GNAQ: variants seen among roughly 807,000 people sequenced by gnomAD.
GNAQ encodes G protein subunit alpha q, also known as guanine nucleotide-binding protein G(q) subunit alpha.
GNAQ carries 8 observed loss-of-function variants against 43.9 expected under a neutral mutation model. That is an observed-to-expected ratio of 0.18 (90% confidence interval 0.11 to 0.33). The LOEUF (loss-of-function observed/expected upper bound fraction) is 0.33, where lower values mean the gene tolerates loss of function less well. Ranked by LOEUF, GNAQ falls within the 10% of genes least tolerant of loss-of-function variation. The pLI is 1.00. For missense variants in GNAQ, 158 were observed against 450.8 expected, an observed-to-expected ratio of 0.35 and a Z score of 5.88; for synonymous variants, 155 against 170.7, an observed-to-expected ratio of 0.91 and a Z score of 0.71.
At chr9:77,763,161 GA>G (rs796891847) in intron 5 of GNAQ, among the ~76,000 whole-genome samples, 3 of 143,866 alleles carry the variant, frequency 2.1e-5, no homozygotes, top group African/African-American at 8.1e-5. Flanking sequence ...AAAAACAAAG[GA>G]AAAGGTAAGT....
intron 5 of GNAQ, among the ~76,000 whole-genome samples, chr9:77,782,441 T>C (rs772550052): frequency 2.0e-5 from 3 of 152,106 alleles, no homozygotes; most frequent in African/African-American, 2.4e-5. Flanking sequence ...AAAACCACAA[T>C]GAAGTACTAC....
At chr9:77,895,837 A>G (rs1290683230) in intron 2 of GNAQ, among the ~76,000 whole-genome samples, 1 of 152,176 alleles carries the variant, frequency 6.6e-6, no homozygotes, top group African/African-American at 2.4e-5. Flanking sequence ...CCATTTTAAA[A>G]AACAGGAGTT....
intron 2 of GNAQ, among the ~76,000 whole-genome samples, chr9:77,897,640 C>T (rs116168387): frequency 6.6e-6 from 1 of 152,254 alleles, no homozygotes; most frequent in Admixed American, 6.5e-5. Flanking sequence ...GGGGGTGTCC[C>T]CTGAGATTCT....
At chr9:77,774,823 A>T (rs1276782714) in intron 5 of GNAQ, among the ~76,000 whole-genome samples, 2 of 152,178 alleles carry the variant, frequency 1.3e-5, no homozygotes, top group African/African-American at 4.8e-5. Context: ...TAAGATAATC[A>T]TTATTTCTTT....
At chr9:77,972,288 G>A (rs140222597) in intron 1 of GNAQ, among the ~76,000 whole-genome samples, 7 of 152,156 alleles carry the variant, frequency 4.6e-5, no homozygotes, top group African/African-American at 1.4e-4. Flanking sequence ...AATATTAATC[G>A]TGCACGCACC....
intron 2 of GNAQ, among the ~76,000 whole-genome samples, chr9:77,849,478 T>C (rs139774385): frequency 1.1e-3 from 173 of 152,224 alleles, no homozygotes; most frequent in African/African-American, 3.8e-3. Flanking sequence ...CCTGACCCCA[T>C]GGGTACCTTA....
intron 5 of GNAQ, among the ~76,000 whole-genome samples, chr9:77,793,716 T>C (rs1267535846): frequency 2.6e-5 from 4 of 151,970 alleles, no homozygotes; most frequent in Non-Finnish European, 4.4e-5. Context: ...CACATACACA[T>C]GCACACAACT....
intron 1 of GNAQ, among the ~76,000 whole-genome samples, chr9:77,984,126 T>C (rs1041543742): frequency 3.8e-4 from 56 of 147,390 alleles, no homozygotes; most frequent in African/African-American, 1.3e-3. Flanking sequence ...AAGCAGAAAG[T>C]TTTTGAATTT....
chr9:77,918,622 C>T lies in GNAQ; in HGVS notation c.321+3539G>A, dbSNP rs1320048674. On this transcript the variant is annotated intron_variant, in intron 2 of 6. Coordinates refer to ENST00000286548, the MANE Select transcript of GNAQ (RefSeq NM_002072.5). ...ACATCCTAAACCATTTTCTAGTCCT[C>T]CTCTATAAGAATTCCACTCAAGCTA... Among the ~76,000 whole-genome samples, 3 of 152,118 alleles carry T rather than the reference C, an allele frequency of 2.0e-5. No homozygotes were observed. In the East Asian group the frequency reaches 5.8e-4, roughly 29 times the overall value.
chr9:77,889,193 T>C (rs1367529487), intron 2 of GNAQ, among the ~76,000 whole-genome samples: 3 of 151,918 alleles, frequency 2.0e-5, no homozygotes, highest in Non-Finnish European at 4.4e-5. Context: ...GGCAGGAAGA[T>C]TGCTTGAGCT....
At chr9:77,722,226 TC>T (rs1177672024) in intron 6 of GNAQ, among the ~76,000 whole-genome samples, 2 of 151,950 alleles carry the variant, frequency 1.3e-5, no homozygotes, top group African/African-American at 4.8e-5. Context: ...AACCTCTGCC[TC>T]CCAGGTTCAA....
chr9:77,860,199 G>C (rs1438968001), intron 2 of GNAQ, among the ~76,000 whole-genome samples: 5 of 152,214 alleles, frequency 3.3e-5, no homozygotes, highest in East Asian at 3.9e-4. Context: ...GCGGCTGAGT[G>C]GGGGTTAGCT....
intron 3 of GNAQ, among the ~76,000 whole-genome samples, chr9:77,804,570 G>C (rs1268790377): frequency 6.6e-6 from 1 of 151,976 alleles, no homozygotes; most frequent in African/African-American, 2.4e-5. Flanking sequence ...CACACCAAAA[G>C]GCAAAAAGTA....
chr9:77,984,584 A>G (rs1823410436), intron 1 of GNAQ, among the ~76,000 whole-genome samples: 1 of 152,068 alleles, frequency 6.6e-6, no homozygotes, highest in Non-Finnish European at 1.5e-5. Flanking sequence ...TTTCTGTAGA[A>G]CTCTTACAAA....
At chr9:77,952,718 T>C (rs1389660645) in intron 1 of GNAQ, among the ~76,000 whole-genome samples, 1 of 152,216 alleles carries the variant, frequency 6.6e-6, no homozygotes, top group Non-Finnish European at 1.5e-5. Flanking sequence ...AATCAGAAAG[T>C]GTCAGTTGAC....
intron 1 of GNAQ, among the ~76,000 whole-genome samples, chr9:78,015,194 C>T (rs561858066): frequency 2.6e-5 from 4 of 152,328 alleles, no homozygotes; most frequent in Non-Finnish European, 5.9e-5. Context: ...CACTGTGCTA[C>T]AAAAGCCCGC....
At chr9:77,746,284 CA>C (rs1397211544) in intron 5 of GNAQ, among the ~76,000 whole-genome samples, 2 of 151,976 alleles carry the variant, frequency 1.3e-5, no homozygotes, top group South Asian at 2.1e-4. Context: ...AGGAAGAAAA[CA>C]ACATAGGATC....
chr9:77,992,942 T>A (rs1214975392), intron 1 of GNAQ, among the ~76,000 whole-genome samples: 1 of 152,114 alleles, frequency 6.6e-6, no homozygotes, highest in Non-Finnish European at 1.5e-5. Flanking sequence ...CAAGACTCTA[T>A]CTCAAAAATA....
At chr9:77,816,818 C>A (rs1827025209) in intron 2 of GNAQ, among the ~76,000 whole-genome samples, 1 of 152,166 alleles carries the variant, frequency 6.6e-6, no homozygotes, top group Non-Finnish European at 1.5e-5. Context: ...GAGTATTAAG[C>A]AGATAGAATT....
Sources: allele counts gnomAD v4.1 joint callset (sites outside exome capture counted in the v4.1 genomes callset), GRCh38; gene constraint gnomAD v4.1.1; transcripts MANE v1.5; gene names NCBI Gene and HGNC (gene_info 2026-07-23, HGNC 2026-07-21).